Variants in USP54 observed in about 807,000 individuals in gnomAD.
USP54 encodes the protein ubiquitin specific peptidase 54.
USP54 carries 87 observed loss-of-function variants against 170.5 expected under a neutral mutation model. That is an observed-to-expected ratio of 0.51 (90% CI 0.43 to 0.61). The LOEUF is 0.61. Ranked by LOEUF, USP54 falls within the 20% of genes least tolerant of loss-of-function variation. The pLI is 0.00. For synonymous variants in USP54, 655 were observed against 742.8 expected (o/e 0.88, Z 1.92); for missense variants, 1,786 against 2,047.8 (o/e 0.87, Z 2.47).
At chr10:73,570,034 T>C (rs557218975) in intron 4 of USP54, among the ~76,000 whole-genome samples, 8 of 151,034 alleles carry the variant, frequency 5.3e-5, no homozygotes, top group South Asian at 2.1e-4. Flanking sequence ...TTGGTTACAG[T>C]TCCTATTTCA....
chr10:73,576,201 T>C lies in USP54; in HGVS notation c.-421A>G, dbSNP rs2076082167. 1 of 152,206 alleles carries C rather than the reference T, an allele frequency of 6.6e-6. No homozygotes were observed. Among genetic ancestry groups the C allele is most frequent in the South Asian group, 2.1e-4 (1 of 4,830 alleles). The allele number at this position is 152,206 out of a possible 1,614,324, so 9.4% of individuals were successfully genotyped here. Reference sequence around the variant, plus strand: ...CAAATTCTGAGCAACTGCAAAAGGTTCCACAAAGCCAAGAAGAAGCCTGTT... The same window carrying C: ...CAAATTCTGAGCAACTGCAAAAGGTCCCACAAAGCCAAGAAGAAGCCTGTT... On this transcript the variant is annotated 5_prime_UTR_variant, in exon 2 of 24. Transcript: ENST00000687698.
chr10:73,624,198 A>ATATATGT (rs1554955712), intron 1 of USP54, among the ~76,000 whole-genome samples: 7 of 102,442 alleles, frequency 6.8e-5, no homozygotes, highest in African/African-American at 2.5e-4. Context: ...ATATATATGT[A>ATATATGT]TTTTTTTTTT....
intron 15 of USP54, among the ~76,000 whole-genome samples, chr10:73,527,237 T>G (rs958683841): frequency 2.6e-5 from 4 of 152,126 alleles, no homozygotes; most frequent in Non-Finnish European, 5.9e-5. Context: ...CAGTGGCTCA[T>G]GCCTGTAATC....
At chr10:73,580,340 GAA>G (rs2132127562) in intron 1 of USP54, among the ~76,000 whole-genome samples, 2 of 144,804 alleles carry the variant, frequency 1.4e-5, no homozygotes, top group African/African-American at 5.1e-5. Flanking sequence ...AAAAAAGAAA[GAA>G]AAAGAAAAAG....
At chr10:73,507,066 C>A (rs1302861015) in intron 20 of USP54, 3 of 151,938 alleles carry the variant, frequency 2.0e-5, no homozygotes, top group Admixed American at 2.0e-4. Context: ...CTGAGTTAAA[C>A]TAGATGATTT....
intron 20 of USP54, among the ~76,000 whole-genome samples, chr10:73,516,115 G>A (rs2061034823): frequency 6.6e-6 from 1 of 152,066 alleles, no homozygotes; most frequent in African/African-American, 2.4e-5. Flanking sequence ...TACTGGAGAA[G>A]CCATGGGCAA....
intron 20 of USP54, among the ~76,000 whole-genome samples, chr10:73,511,469 G>A (rs1343308580): frequency 1.3e-5 from 2 of 151,784 alleles, no homozygotes; most frequent in South Asian, 4.2e-4. Context: ...AGACCAGCCT[G>A]GGCAACATGG....
intron 1 of USP54, among the ~76,000 whole-genome samples, chr10:73,601,688 GC>G (rs1419654575): frequency 6.6e-6 from 1 of 152,054 alleles, no homozygotes; most frequent in East Asian, 1.9e-4. Context: ...CCCTCCTCCA[GC>G]AAGCAGATCT....
At chr10:73,602,414 G>C (rs533567594) in intron 1 of USP54, among the ~76,000 whole-genome samples, 1 of 151,980 alleles carries the variant, frequency 6.6e-6, no homozygotes, top group African/African-American at 2.4e-5. Context: ...TTAGCCGGGC[G>C]TGGTGGCGGG....
At chr10:73,622,735 T>C (rs1267142350) in intron 1 of USP54, among the ~76,000 whole-genome samples, 1 of 152,032 alleles carries the variant, frequency 6.6e-6, no homozygotes, top group Non-Finnish European at 1.5e-5. Context: ...GGAGGATCAC[T>C]TGAGCCCAGG....
At chr10:73,568,969 A>G (rs2074427478) in intron 4 of USP54, among the ~76,000 whole-genome samples, 1 of 152,200 alleles carries the variant, frequency 6.6e-6, no homozygotes, top group African/African-American at 2.4e-5. Flanking sequence ...AAAATGAAAT[A>G]TAACAAGAAT....
chr10:73,526,153 G>A (rs1258627901), intron 16 of USP54, among the ~76,000 whole-genome samples: 1 of 152,184 alleles, frequency 6.6e-6, no homozygotes, highest in Non-Finnish European at 1.5e-5. Context: ...AAATATTCAT[G>A]CAGGCTGTGA....
intron 1 of USP54, among the ~76,000 whole-genome samples, chr10:73,589,573 C>T (rs1170411502): frequency 2.0e-5 from 3 of 152,058 alleles, no homozygotes; most frequent in African/African-American, 7.2e-5. Context: ...CACTTGATTC[C>T]ATCAATGCAT....
chr10:73,586,372 C>T (rs2077485047), intron 1 of USP54, among the ~76,000 whole-genome samples: 2 of 152,304 alleles, frequency 1.3e-5, no homozygotes, highest in Non-Finnish European at 1.5e-5. Flanking sequence ...TTCCAATCTC[C>T]CAATTTATTT....
intron 9 of USP54, 90 bp from the exon 10 acceptor site, chr10:73,539,683 A>C: frequency 7.2e-7 from 1 of 1,386,542 alleles, no homozygotes; most frequent in South Asian, 1.6e-5. Context: ...TTTCTTAAGT[A>C]AGGTACTGAC....
chr10:73,588,256 G>A (rs1212156493), intron 1 of USP54, among the ~76,000 whole-genome samples: 1 of 151,964 alleles, frequency 6.6e-6, no homozygotes, highest in Non-Finnish European at 1.5e-5. Flanking sequence ...GAGTCTCGCA[G>A]TCACCCAGGC....
At chr10:73,578,270 A>G (rs2076382229) in intron 1 of USP54, among the ~76,000 whole-genome samples, 1 of 152,202 alleles carries the variant, frequency 6.6e-6, no homozygotes, top group Non-Finnish European at 1.5e-5. Flanking sequence ...AACACCAAAA[A>G]CATTTCACTT....
chr10:73,601,581 TG>T, intron 1 of USP54, among the ~76,000 whole-genome samples: 1 of 152,058 alleles, frequency 6.6e-6, no homozygotes, highest in Non-Finnish European at 1.5e-5. Context: ...CTGCAGGACT[TG>T]GAACTAGGAA....
At chr10:73,572,611 G>A (rs1589220841) in intron 3 of USP54, among the ~76,000 whole-genome samples, 1 of 152,124 alleles carries the variant, frequency 6.6e-6, no homozygotes, top group African/African-American at 2.4e-5. Flanking sequence ...TATAACAAAT[G>A]TAATAGGTTC....
Sources: gnomAD v4.1 joint callset for allele counts (sites outside exome capture counted in the v4.1 genomes callset) on GRCh38, gnomAD v4.1.1 for gene constraint, MANE v1.5 for transcripts, NCBI Gene and HGNC (gene_info 2026-07-23, HGNC 2026-07-21) for gene names.